Variants in SNX24 observed in about 807,000 individuals in gnomAD.
SNX24 encodes sorting nexin 24.
A neutral mutation model predicts 28.7 loss-of-function variants in SNX24; 22 were observed. That is an observed-to-expected ratio of 0.77 (90% CI 0.55 to 1.10). The LOEUF is 1.10. Ranked by LOEUF, SNX24 falls within the 50% of genes least tolerant of loss-of-function variation. The pLI is 0.00. For synonymous variants in SNX24, 69 were observed against 71.5 expected (o/e 0.96, Z 0.18); for missense variants, 221 against 201.1 (o/e 1.10, Z -0.60).
chr5:123,009,679 G>T (rs571360683), downstream of SNX24, among the ~76,000 whole-genome samples: 1 of 152,334 alleles, frequency 6.6e-6, no homozygotes, highest in South Asian at 2.1e-4. Context: ...TTCTGTCAGG[G>T]TTATTGAAGG....
In SNX24 at chr5:122,866,512, C is replaced by T. The variant is rs533831199; in HGVS notation, c.60+20819C>T. Among the ~76,000 whole-genome samples the T allele has an allele frequency of 4.6e-5, 7 of 152,292 alleles. No homozygotes were observed. In the South Asian group the frequency reaches 6.2e-4, roughly 14 times the overall value. ...TCCATTTGCCTTCAGCAAGCACCTCCGCCGGTTGTGTTTCTTTACCTGGTA... is the reference window on the plus strand; with the variant it reads ...TCCATTTGCCTTCAGCAAGCACCTCTGCCGGTTGTGTTTCTTTACCTGGTA... On this transcript the variant is annotated intron_variant, in intron 1 of 6. Coordinates refer to ENST00000261369, the MANE Select transcript of SNX24 (RefSeq NM_014035.4).
intron 1 of SNX24, among the ~76,000 whole-genome samples, chr5:122,913,638 A>G (rs547183632): frequency 0.019 from 2,914 of 150,314 alleles, 43 homozygotes; most frequent in South Asian, 0.034. Flanking sequence ...GGCGGCTGCC[A>G]GGCAGAGGGT....
intron 5 of SNX24, among the ~76,000 whole-genome samples, chr5:123,014,780 T>G (rs1410779226): frequency 6.6e-6 from 1 of 152,158 alleles, no homozygotes; most frequent in Non-Finnish European, 1.5e-5. Context: ...CCTCTCCGAG[T>G]TCTTTCTACA....
intron 1 of SNX24, among the ~76,000 whole-genome samples, chr5:122,891,343 T>A (rs1756958815): frequency 6.6e-6 from 1 of 152,200 alleles, no homozygotes; most frequent in Admixed American, 6.5e-5. Flanking sequence ...AGTTACCAAA[T>A]GATATGTACA....
chr5:122,929,734 T>TC (rs548064809), intron 1 of SNX24, among the ~76,000 whole-genome samples: 1 of 152,102 alleles, frequency 6.6e-6, no homozygotes, highest in Non-Finnish European at 1.5e-5. Flanking sequence ...CTTTTTTTTT[T>TC]CCATGAAGGC....
chr5:122,869,629 A>G (rs1755883435), intron 1 of SNX24, among the ~76,000 whole-genome samples: 1 of 152,212 alleles, frequency 6.6e-6, no homozygotes, highest in South Asian at 2.1e-4. Context: ...AACTTAGGAT[A>G]TTAGTGGTGA....
intron 3 of SNX24, among the ~76,000 whole-genome samples, chr5:122,954,713 G>C (rs1024160903): frequency 1.1e-5 from 1 of 90,106 alleles, no homozygotes; most frequent in African/African-American, 5.4e-5. Context: ...TCTTGTCTTC[G>C]TGGTTTCTGA....
intron 1 of SNX24, among the ~76,000 whole-genome samples, chr5:122,859,175 T>C (rs1217057110): frequency 1.3e-5 from 2 of 152,202 alleles, no homozygotes; most frequent in East Asian, 3.8e-4. Context: ...TCTTAGTCTT[T>C]CCTTAAGAGA....
intron 1 of SNX24, among the ~76,000 whole-genome samples, chr5:122,922,108 A>G (rs1312469996): frequency 6.6e-6 from 1 of 152,226 alleles, no homozygotes; most frequent in African/African-American, 2.4e-5. Context: ...AAAATCTTTG[A>G]CACTGATGTT....
intron 1 of SNX24, chr5:122,891,268 T>A (rs1756955835): frequency 3.3e-6 from 3 of 912,242 alleles, no homozygotes; most frequent in Non-Finnish European, 4.5e-6. Context: ...TATTCTATTT[T>A]AAAAATACCG....
intron 3 of SNX24, chr5:122,965,515 T>G: frequency 2.2e-6 from 1 of 452,850 alleles, no homozygotes; most frequent in East Asian, 7.0e-5. Context: ...AAGATAATTG[T>G]GTAAAGGTAG....
At chr5:123,021,503 T>G (rs553607059) in intron 5 of SNX24, among the ~76,000 whole-genome samples, 1 of 152,176 alleles carries the variant, frequency 6.6e-6, no homozygotes. Context: ...ACACTGATGA[T>G]CTCCCTTACA....
chr5:122,992,906 A>C (rs1351206156), intron 3 of SNX24, among the ~76,000 whole-genome samples: 1 of 152,132 alleles, frequency 6.6e-6, no homozygotes, highest in African/African-American at 2.4e-5. Flanking sequence ...TTGATTTTCC[A>C]ATTTCTTTTG....
intron 2 of SNX24, among the ~76,000 whole-genome samples, chr5:122,942,780 C>T (rs896327603): frequency 4.6e-5 from 7 of 152,266 alleles, no homozygotes; most frequent in African/African-American, 1.4e-4. Flanking sequence ...TTGTAAGCAG[C>T]TGAGCCCTAC....
chr5:122,960,230 C>A (rs1323992833), intron 3 of SNX24, among the ~76,000 whole-genome samples: 3 of 152,180 alleles, frequency 2.0e-5, no homozygotes, highest in African/African-American at 7.2e-5. Context: ...CATCTGCCTC[C>A]TGAGACAAAT....
intron 2 of SNX24, among the ~76,000 whole-genome samples, chr5:122,944,643 T>C (rs749259291): frequency 6.6e-6 from 1 of 152,156 alleles, no homozygotes; most frequent in African/African-American, 2.4e-5. Flanking sequence ...ACCCAGGCTC[T>C]TGCTGCTTTA....
At chr5:122,864,739 A>T (rs1755643845) in intron 1 of SNX24, among the ~76,000 whole-genome samples, 1 of 152,196 alleles carries the variant, frequency 6.6e-6, no homozygotes, top group African/African-American at 2.4e-5. Flanking sequence ...GGTCTGCAAA[A>T]TATCTTAAGC....
In SNX24 at chr5:122,927,121, C is replaced by G. The variant is rs538066594; in HGVS notation, c.61-9613C>G. On this transcript the variant is annotated intron_variant, in intron 1 of 6. Transcript: ENST00000261369. The stretch of plus-strand genomic sequence containing the variant: ...TTTGCATGGATAATTACGTTTAATC[C>G]TTGCAACAAACCTATGTGATAGGTG... Among the ~76,000 whole-genome samples the G allele has an allele frequency of 6.3e-4, 96 of 152,276 alleles. No individual in the cohort carries two copies. In the South Asian group the frequency reaches 7.5e-3, roughly 12 times the overall value.
At chr5:122,996,457 A>T (rs1375063610) in intron 3 of SNX24, among the ~76,000 whole-genome samples, 2 of 152,202 alleles carry the variant, frequency 1.3e-5, no homozygotes, top group African/African-American at 2.4e-5. Flanking sequence ...AGCAAGCAGG[A>T]TACTCAGCTT....
Sources: allele counts gnomAD v4.1 joint callset (sites outside exome capture counted in the v4.1 genomes callset), GRCh38; gene constraint gnomAD v4.1.1; transcripts MANE v1.5; gene names NCBI Gene and HGNC (gene_info 2026-07-23, HGNC 2026-07-21).